Variants in RBFOX3 observed in about 807,000 individuals in gnomAD.
The protein encoded by RBFOX3 is RNA binding protein fox-1 homolog 3.
Under a neutral mutation model 48.7 loss-of-function variants are expected in RBFOX3, and 17 were observed. The observed-to-expected ratio is 0.35, with a 90% confidence interval of 0.24 to 0.52. The LOEUF (loss-of-function observed/expected upper bound fraction) is 0.52, where lower values mean the gene tolerates loss of function less well. Ranked by LOEUF, RBFOX3 falls within the 20% of genes least tolerant of loss-of-function variation. RBFOX3 has a pLI of 0.94. For missense variants in RBFOX3, 382 were observed against 497.5 expected, an observed-to-expected ratio of 0.77 and a Z score of 2.21; for synonymous variants, 212 against 209.5, an observed-to-expected ratio of 1.01 and a Z score of -0.10.
intron 2 of RBFOX3, among the ~76,000 whole-genome samples, chr17:79,375,292 T>C (rs2059078588): frequency 6.6e-6 from 1 of 151,424 alleles, no homozygotes. Context: ...TGTGGAAGGC[T>C]GGATGGGTAA....
At chr17:79,190,285 C>A (rs1332079400) in intron 4 of RBFOX3, among the ~76,000 whole-genome samples, 1 of 152,126 alleles carries the variant, frequency 6.6e-6, no homozygotes, top group African/African-American at 2.4e-5. Context: ...GTGACACATG[C>A]CTTTAATCCT....
Position 79,103,360 on chromosome 17 carries a change from GGAGA to G in RBFOX3, c.415-110_415-107del, listed in dbSNP as rs937735817. ...GAGTGGGAGGGGGGCAGGGGAGTGG[GGAGA>G]GAGAGAGAAGGGGTTGAGTCAGGTG... is the stretch of plus-strand genomic sequence containing the variant. On this transcript the variant is annotated intron_variant, in intron 7 of 14. Transcript: ENST00000693108. The surrounding 1 kb of genome is among the most constrained non-coding windows in gnomAD (Gnocchi z 6.1). The G allele has an allele frequency of 5.0e-5, 38 of 764,720 alleles. 1 individual carries two copies. In the East Asian group the frequency reaches 8.1e-4, roughly 16 times the overall value. 47.4% of individuals were successfully genotyped at this position (764,720 alleles called of 1,614,324 possible). A position where few individuals can be genotyped will look rare whatever the true frequency, so the allele number is the denominator to read the frequency against.
At chr17:79,303,608 C>T (rs72848081) in intron 3 of RBFOX3, among the ~76,000 whole-genome samples, 23,001 of 152,046 alleles carry the variant, frequency 0.15, 1,896 homozygotes, top group Non-Finnish European at 0.19. Flanking sequence ...CTGACCTGCC[C>T]AGACTCATCA....
rs1038336619 is a variant in RBFOX3, at chr17:79,467,149, G to A, written c.-175+15305C>T. On this transcript the variant is annotated intron_variant, in intron 2 of 14. Coordinates refer to ENST00000693108, the MANE Select transcript of RBFOX3 (RefSeq NM_001350451.2). ...CATCACCTGCCAGGTCTGGGTCCGG[G>A]AGGCCCTCCTCACACCTGGTGGCAC... Among the ~76,000 whole-genome samples, 32 of 152,196 alleles carry A rather than the reference G, an allele frequency of 2.1e-4. No homozygotes were observed. In the East Asian group the frequency reaches 4.1e-3, roughly 20 times the overall value.
intron 2 of RBFOX3, among the ~76,000 whole-genome samples, chr17:79,332,822 G>A (rs896372584): frequency 1.3e-5 from 2 of 151,562 alleles, no homozygotes; most frequent in African/African-American, 4.9e-5. Flanking sequence ...GAGAGACAGA[G>A]ACATAGAGAA....
chr17:79,508,411 C>T (rs1028845822), intron 1 of RBFOX3, among the ~76,000 whole-genome samples: 4 of 152,154 alleles, frequency 2.6e-5, no homozygotes, highest in East Asian at 1.9e-4. Context: ...CCTGCCTGCC[C>T]GAGGCTGGGC....
At chr17:79,369,796 C>T (rs2058278937) in intron 2 of RBFOX3, among the ~76,000 whole-genome samples, 1 of 152,190 alleles carries the variant, frequency 6.6e-6, no homozygotes, top group South Asian at 2.1e-4. Context: ...CATCTGCCCG[C>T]CCTGATGGAT....
At chr17:79,165,553 G>A (rs926450611) in intron 4 of RBFOX3, among the ~76,000 whole-genome samples, 6 of 152,204 alleles carry the variant, frequency 3.9e-5, no homozygotes, top group Admixed American at 6.5e-5. Flanking sequence ...CAGCCATCCC[G>A]GGAGGTGACG....
At chr17:79,604,542 C>T (rs1424842795) in intron 1 of RBFOX3, among the ~76,000 whole-genome samples, 1 of 152,306 alleles carries the variant, frequency 6.6e-6, no homozygotes, top group East Asian at 1.9e-4. Context: ...TTCCAAGGTG[C>T]CCAGAAGCTC....
At position 79,363,755 on chromosome 17, in the gene RBFOX3, G is replaced by T. The variant is rs2057334399; in HGVS notation, c.-174-55931C>A. ...CAGAGCCCTCCAGCCTCCATGCTCA[G>T]CCCGTCCGCCCCCCAGCAGCCTGGG... On this transcript the variant is annotated intron_variant, in intron 2 of 14. Transcript: ENST00000693108. This position sits in a 1 kb window ranked among gnomAD's most constrained non-coding sequence, Gnocchi z 4.7. Among the ~76,000 whole-genome samples, 1 of 151,984 alleles carries T rather than the reference G, an allele frequency of 6.6e-6. No individual in the cohort carries two copies. Among genetic ancestry groups the T allele is most frequent in the South Asian group, 2.1e-4 (1 of 4,820 alleles).
intron 4 of RBFOX3, among the ~76,000 whole-genome samples, chr17:79,185,906 T>C (rs1028530335): frequency 3.9e-5 from 6 of 152,208 alleles, no homozygotes; most frequent in African/African-American, 1.4e-4. Context: ...GCACACCGTC[T>C]AGTGGGGGAA....
At chr17:79,314,176 C>T (rs2077225439) in intron 2 of RBFOX3, among the ~76,000 whole-genome samples, 1 of 152,170 alleles carries the variant, frequency 6.6e-6, no homozygotes, top group Non-Finnish European at 1.5e-5. Context: ...AAGGGCTTTA[C>T]GTTTTGCTCT....
At chr17:79,304,245 A>G (rs1006993687) in intron 3 of RBFOX3, among the ~76,000 whole-genome samples, 1 of 152,082 alleles carries the variant, frequency 6.6e-6, no homozygotes, top group Middle Eastern at 3.2e-3. Flanking sequence ...ATGATATTCA[A>G]TCATGAAGAA....
chr17:79,532,345 G>T (rs2087927319), intron 1 of RBFOX3, among the ~76,000 whole-genome samples: 1 of 152,206 alleles, frequency 6.6e-6, no homozygotes, highest in Admixed American at 6.5e-5. Context: ...GCACAGAGGG[G>T]ATTGAGGTGG....
chr17:79,476,218 A>G (rs1465125262), intron 2 of RBFOX3, among the ~76,000 whole-genome samples: 3 of 152,202 alleles, frequency 2.0e-5, no homozygotes, highest in Non-Finnish European at 4.4e-5. Flanking sequence ...ATTGTTCTTA[A>G]TGCTTTAACA....
At chr17:79,455,905 C>A (rs1051143359) in intron 2 of RBFOX3, among the ~76,000 whole-genome samples, 1 of 152,178 alleles carries the variant, frequency 6.6e-6, no homozygotes, top group East Asian at 1.9e-4. Flanking sequence ...CTGCCTCTCT[C>A]GGACATTGCA....
At chr17:79,554,316 C>G (rs962687045) in intron 1 of RBFOX3, among the ~76,000 whole-genome samples, 71 of 125,884 alleles carry the variant, frequency 5.6e-4, no homozygotes, top group East Asian at 9.3e-4. Context: ...AGTCACCCCT[C>G]ACCTGGCCCT....
Position 79,244,591 on chromosome 17 carries a change from T to C in RBFOX3, c.-73-8786A>G, listed in dbSNP as rs1224434076. On this transcript the variant is annotated intron_variant, in intron 3 of 14. Coordinates refer to ENST00000693108, the MANE Select transcript of RBFOX3 (RefSeq NM_001350451.2). ...CTCACTCTGGGCTTGCTGGGCCTGG[T>C]TCCCAGAGCATGGTGGCCCTTTCTT... Among the ~76,000 whole-genome samples the C allele has an allele frequency of 3.3e-5, 5 of 150,382 alleles. No homozygotes were observed. In the South Asian group the frequency reaches 6.4e-4, roughly 19 times the overall value.
intron 2 of RBFOX3, among the ~76,000 whole-genome samples, chr17:79,355,646 TC>T (rs1235936982): frequency 1.3e-5 from 2 of 152,110 alleles, no homozygotes; most frequent in African/African-American, 4.8e-5. Flanking sequence ...AGTGGTTTGA[TC>T]TCAGCTCACT....
Sources: allele counts gnomAD v4.1 joint callset (sites outside exome capture counted in the v4.1 genomes callset), GRCh38; gene constraint gnomAD v4.1.1; non-coding constraint Gnocchi (gnomAD v3.1); transcripts MANE v1.5; gene names NCBI Gene and HGNC (gene_info 2026-07-23, HGNC 2026-07-21).